The following WDPCP variants were observed in gnomAD, a reference collection of about 807,000 sequenced individuals.
WDPCP encodes WD repeat containing planar cell polarity effector, also known as WD repeat-containing and planar cell polarity effector protein fritz homolog.
A neutral mutation model predicts 93.1 loss-of-function variants in WDPCP; 71 were observed. The observed-to-expected ratio is 0.76, with a 90% CI of 0.63 to 0.93. The LOEUF (loss-of-function observed/expected upper bound fraction) is 0.93, where lower values mean the gene tolerates loss of function less well. WDPCP is among the 40% of genes least tolerant of loss of function. The probability of loss-of-function intolerance (pLI) is 0.00; values close to 1 mark genes in which losing one functional copy is unlikely to be tolerated. For missense variants in WDPCP, 844 were observed against 887.4 expected, an observed-to-expected ratio of 0.95 and a Z score of 0.62; for synonymous variants, 315 against 315.0, an observed-to-expected ratio of 1.00 and a Z score of 0.00.
At chr2:63,361,040 G>A (rs1382227979) in intron 12 of WDPCP, among the ~76,000 whole-genome samples, 4 of 152,190 alleles carry the variant, frequency 2.6e-5, no homozygotes, top group Admixed American at 1.3e-4. Context: ...ATGCATGTCC[G>A]TCTTCCAGCC....
intron 6 of WDPCP, among the ~76,000 whole-genome samples, chr2:63,446,271 C>T (rs1243911812): frequency 2.0e-5 from 3 of 152,110 alleles, no homozygotes; most frequent in African/African-American, 7.2e-5. Context: ...CAAGCATTAC[C>T]GCCTGAGCTC....
chr2:63,640,706 A>G (rs945609231), intron 3 of WDPCP, among the ~76,000 whole-genome samples: 8 of 152,186 alleles, frequency 5.3e-5, no homozygotes, highest in Non-Finnish European at 7.4e-5. Flanking sequence ...GTAAGTGTAT[A>G]TATTTATCAG....
At chr2:63,668,486 C>T (rs1177315891) in intron 2 of WDPCP, among the ~76,000 whole-genome samples, 1 of 152,212 alleles carries the variant, frequency 6.6e-6, no homozygotes, top group African/African-American at 2.4e-5. Context: ...AAAGAACCGT[C>T]TACCCCAAAA....
chr2:63,381,998 A>G lies in WDPCP; in HGVS notation c.1532T>C (p.Met511Thr), dbSNP rs1692349702. Residue 511 changes from methionine to threonine, a missense_variant, in exon 11 of 18, where the codon ATG becomes ACG. By Grantham distance (81) the Met-to-Thr change is moderately conservative. Transcript: ENST00000272321. ...IYEAINILSS[M>T]NWDTLGHQCF... ...CTGGTGGCCCAGAGTGTCCCAGTTC[A>G]TGCTGCTCAGGATGTTTATTGCCTC... 1 of 1,613,572 alleles carries G rather than the reference A, an allele frequency of 6.2e-7. No individual in the cohort carries two copies. The highest frequency in any genetic ancestry group is 1.1e-5 in the South Asian group (1 of 91,070).
intron 12 of WDPCP, among the ~76,000 whole-genome samples, chr2:63,329,415 G>A (rs1421797096): frequency 6.6e-6 from 1 of 151,802 alleles, no homozygotes; most frequent in African/African-American, 2.4e-5. Flanking sequence ...TTTTTTGCAA[G>A]TACATTGCTT....
intron 2 of WDPCP, among the ~76,000 whole-genome samples, chr2:63,804,751 C>T (rs993510963): frequency 1.3e-5 from 2 of 151,622 alleles, no homozygotes; most frequent in Admixed American, 6.6e-5. Flanking sequence ...CATGTTGGGC[C>T]GGGCACGGTG....
At chr2:63,355,544 A>G (rs764373931) in intron 12 of WDPCP, among the ~76,000 whole-genome samples, 11 of 152,144 alleles carry the variant, frequency 7.2e-5, no homozygotes, top group Non-Finnish European at 1.5e-4. Flanking sequence ...CCATACAAAC[A>G]AGCTAACATA....
chr2:63,771,463 A>G (rs1670225558), intron 2 of WDPCP, among the ~76,000 whole-genome samples: 1 of 152,022 alleles, frequency 6.6e-6, no homozygotes, highest in Non-Finnish European at 1.5e-5. Flanking sequence ...CTACCGAACA[A>G]TTAAAGAATA....
chr2:63,596,559 G>C (rs570314053), intron 3 of WDPCP, among the ~76,000 whole-genome samples: 287 of 152,270 alleles, frequency 1.9e-3, no homozygotes, highest in Non-Finnish European at 1.7e-3. Flanking sequence ...GACAGGGAAG[G>C]GAAAGTTCAG....
At chr2:63,477,693 CAG>C (rs1443717587) in intron 6 of WDPCP, 1 of 152,294 alleles carries the variant, frequency 6.6e-6, no homozygotes, top group African/African-American at 2.4e-5. Context: ...CCCTGGGAAA[CAG>C]CCCCAAAACC....
At chr2:63,449,731 C>T (rs546404757) in intron 6 of WDPCP, among the ~76,000 whole-genome samples, 1 of 152,244 alleles carries the variant, frequency 6.6e-6, no homozygotes, top group African/African-American at 2.4e-5. Flanking sequence ...GTCATGGACC[C>T]TACCCCAGAC....
rs557631382 is a variant in WDPCP, at chr2:63,339,415, C to T, written c.1749-26104G>A. ...CTCAAACTTCTGACCTGAAGTGATC[C>T]GCCCACCTCTGACTCCCAAAGTGTT... On this transcript the variant is annotated intron_variant, in intron 12 of 17. Coordinates refer to ENST00000272321, the MANE Select transcript of WDPCP (RefSeq NM_015910.7). Among the ~76,000 whole-genome samples, 62 of 152,214 alleles carry T rather than the reference C, an allele frequency of 4.1e-4. 1 individual carries two copies. Among genetic ancestry groups the T allele is most frequent in the African/African-American group, 1.4e-3 (59 of 41,548 alleles).
At chr2:63,717,145 A>G (rs550765587) in intron 2 of WDPCP, 13 of 388,250 alleles carry the variant, frequency 3.3e-5, no homozygotes, top group Non-Finnish European at 4.9e-5. Context: ...CACTGTTGCC[A>G]CCTGACTCTT....
chr2:63,320,332 T>A (rs1365151838), intron 12 of WDPCP, among the ~76,000 whole-genome samples: 1 of 152,060 alleles, frequency 6.6e-6, no homozygotes, highest in Non-Finnish European at 1.5e-5. Context: ...TAAAAGAAGC[T>A]CTTTAGGCTA....
At chr2:63,542,210 T>C (rs1704795787) in intron 1 of WDPCP, among the ~76,000 whole-genome samples, 3 of 152,206 alleles carry the variant, frequency 2.0e-5, no homozygotes, top group African/African-American at 7.2e-5. Context: ...GCCTGAATAC[T>C]GCATTCAATA....
At chr2:63,416,780 C>T (rs1695463097) in intron 9 of WDPCP, among the ~76,000 whole-genome samples, 1 of 152,166 alleles carries the variant, frequency 6.6e-6, no homozygotes, top group Non-Finnish European at 1.5e-5. Context: ...CCTTGGCCTC[C>T]CAAAGTGCTG....
intron 1 of WDPCP, among the ~76,000 whole-genome samples, chr2:63,542,251 T>C (rs1342654647): frequency 6.6e-6 from 1 of 152,200 alleles, no homozygotes. Flanking sequence ...CATTTTTTTT[T>C]TCTTCCTGAA....
intron 1 of WDPCP, among the ~76,000 whole-genome samples, chr2:63,550,929 A>G (rs997648083): frequency 1.3e-5 from 2 of 152,050 alleles, no homozygotes; most frequent in African/African-American, 4.8e-5. Flanking sequence ...AAACCTGTCT[A>G]TTTTCCTGTG....
At chr2:63,534,112 A>G (rs1184700310) in intron 1 of WDPCP, among the ~76,000 whole-genome samples, 1 of 152,220 alleles carries the variant, frequency 6.6e-6, no homozygotes, top group East Asian at 1.9e-4. Flanking sequence ...AAAATCTAGA[A>G]GAAATGGATA....
Sources: gnomAD v4.1 joint callset for allele counts (sites outside exome capture counted in the v4.1 genomes callset) on GRCh38, gnomAD v4.1.1 for gene constraint, MANE v1.5 for transcripts, NCBI Gene and HGNC (gene_info 2026-07-23, HGNC 2026-07-21) for gene names.